KCNH5: variants seen among roughly 807,000 people sequenced by gnomAD.
KCNH5 encodes voltage-gated delayed rectifier potassium channel KCNH5.
KCNH5 carries 46 observed loss-of-function variants against 96.1 expected under a neutral mutation model. The ratio of observed to expected loss-of-function variants is 0.48; its 90% CI spans 0.38 to 0.61. The LOEUF (loss-of-function observed/expected upper bound fraction) is 0.61, where lower values mean the gene tolerates loss of function less well. Ranked by LOEUF, KCNH5 falls within the 20% of genes least tolerant of loss-of-function variation. KCNH5 has a pLI of 0.00. For missense variants in KCNH5, 907 were observed against 1,225.8 expected (o/e 0.74, Z 3.88); for synonymous variants, 439 against 449.8 (o/e 0.98, Z 0.30).
At chr14:62,761,077 A>G (rs1810976) in intron 10 of KCNH5, among the ~76,000 whole-genome samples, 86,940 of 152,062 alleles carry the variant, frequency 0.57, 25,321 homozygotes, top group South Asian at 0.82. Context: ...ACGGTCGGCC[A>G]GGCAGGGTGG....
At chr14:62,748,683 T>C (rs1434674132) in intron 10 of KCNH5, among the ~76,000 whole-genome samples, 3 of 152,018 alleles carry the variant, frequency 2.0e-5, no homozygotes, top group Non-Finnish European at 2.9e-5. Context: ...GTGTCTTGCA[T>C]TTAGGGTAGA....
chr14:62,778,354 G>A (rs913567868), intron 10 of KCNH5, among the ~76,000 whole-genome samples: 1 of 147,430 alleles, frequency 6.8e-6, no homozygotes, highest in African/African-American at 2.5e-5. Flanking sequence ...AAAAAAAATT[G>A]GCATGTAAGT....
intron 4 of KCNH5, among the ~76,000 whole-genome samples, chr14:62,989,063 T>G (rs1019403736): frequency 1.3e-5 from 2 of 151,874 alleles, no homozygotes; most frequent in Non-Finnish European, 2.9e-5. Context: ...CCTAGCCTTA[T>G]AGATTATAAC....
At chr14:62,953,990 C>T (rs565454620) in intron 6 of KCNH5, among the ~76,000 whole-genome samples, 7 of 152,180 alleles carry the variant, frequency 4.6e-5, no homozygotes, top group Non-Finnish European at 1.0e-4. Context: ...AAGTGTGACA[C>T]GCGAAGCCCA....
rs543540144 is a variant in KCNH5 at position 62,796,598 on chromosome 14, T to C, written c.1822+5731A>G. 8.5e-5 allele frequency among the ~76,000 whole-genome samples: 13 copies of C among 152,316 alleles called. No individual in the cohort carries two copies. In the South Asian group the frequency reaches 2.7e-3, roughly 32 times the overall value. Reference sequence around the variant, plus strand: ...TAGATTTATGAGCAGGTAAGTCTAATGACTAAGATGGTAGTCATGGCCCAT... The same window carrying C: ...TAGATTTATGAGCAGGTAAGTCTAACGACTAAGATGGTAGTCATGGCCCAT... On this transcript the variant is annotated intron_variant, in intron 9 of 10. Coordinates refer to ENST00000322893, the MANE Select transcript of KCNH5 (RefSeq NM_139318.5).
intron 4 of KCNH5, among the ~76,000 whole-genome samples, chr14:62,989,565 C>G (rs116742711): frequency 2.0e-5 from 3 of 152,000 alleles, no homozygotes; most frequent in African/African-American, 7.3e-5. Flanking sequence ...AAAGCATTAC[C>G]TGGATGCTTC....
At chr14:62,975,698 C>G (rs528818529) in intron 6 of KCNH5, among the ~76,000 whole-genome samples, 1 of 151,794 alleles carries the variant, frequency 6.6e-6, no homozygotes, top group Admixed American at 6.6e-5. Context: ...TAGGAGGAAT[C>G]CAAGAGATTA....
At chr14:62,726,839 T>C (rs1595595779) in intron 10 of KCNH5, among the ~76,000 whole-genome samples, 1 of 152,106 alleles carries the variant, frequency 6.6e-6, no homozygotes, top group Non-Finnish European at 1.5e-5. Context: ...TAGCCCTGAA[T>C]TGGAAATAAA....
At chr14:62,861,856 C>A (rs1005957929) in intron 7 of KCNH5, among the ~76,000 whole-genome samples, 1 of 152,038 alleles carries the variant, frequency 6.6e-6, no homozygotes, top group Non-Finnish European at 1.5e-5. Flanking sequence ...TTTCCTATGA[C>A]CTTGAATTTA....
intron 1 of KCNH5, among the ~76,000 whole-genome samples, chr14:63,023,233 T>C (rs548333620): frequency 6.6e-6 from 1 of 151,982 alleles, no homozygotes; most frequent in Non-Finnish European, 1.5e-5. Flanking sequence ...TTAATGTTTA[T>C]CTGCCTATTG....
chr14:62,825,388 T>C (rs1887200916), intron 8 of KCNH5, among the ~76,000 whole-genome samples: 1 of 152,152 alleles, frequency 6.6e-6, no homozygotes, highest in Non-Finnish European at 1.5e-5. Context: ...TGATAAGGGA[T>C]GTGGAGTATT....
At chr14:62,934,116 A>T (rs1751026168) in intron 7 of KCNH5, among the ~76,000 whole-genome samples, 1 of 146,562 alleles carries the variant, frequency 6.8e-6, no homozygotes, top group African/African-American at 2.6e-5. Flanking sequence ...TCAAATGCAG[A>T]TTTCTTTCTT....
chr14:62,812,754 T>C (rs1424500241), intron 8 of KCNH5, among the ~76,000 whole-genome samples: 1 of 152,020 alleles, frequency 6.6e-6, no homozygotes, highest in African/African-American at 2.4e-5. Flanking sequence ...ATATGGAAAA[T>C]AAAAATCATA....
chr14:62,708,531 T>A (rs1308903341), intron 10 of KCNH5, 76 bp from the exon 11 acceptor site: 11 of 867,356 alleles, frequency 1.3e-5, no homozygotes, highest in Non-Finnish European at 1.7e-5. Flanking sequence ...CTATGCTGTA[T>A]GTGCTTTGTG....
chr14:62,828,058 A>G (rs1887264031), intron 8 of KCNH5, among the ~76,000 whole-genome samples: 1 of 152,120 alleles, frequency 6.6e-6, no homozygotes, highest in Non-Finnish European at 1.5e-5. Flanking sequence ...AAATGAAGTC[A>G]GTCTTCATTT....
At chr14:63,040,216 C>T (rs1891796776) in intron 1 of KCNH5, among the ~76,000 whole-genome samples, 1 of 152,020 alleles carries the variant, frequency 6.6e-6, no homozygotes, top group African/African-American at 2.4e-5. Flanking sequence ...TTATATGATC[C>T]TTTTAGTAAG....
At chr14:62,719,804 G>C (rs1340912483) in intron 10 of KCNH5, among the ~76,000 whole-genome samples, 1 of 152,148 alleles carries the variant, frequency 6.6e-6, no homozygotes, top group East Asian at 1.9e-4. Context: ...CATCCACAAG[G>C]ACTCAAATAC....
At chr14:62,945,299 C>T (rs557778810) in intron 7 of KCNH5, among the ~76,000 whole-genome samples, 1 of 152,158 alleles carries the variant, frequency 6.6e-6, no homozygotes, top group South Asian at 2.1e-4. Flanking sequence ...AATGACTACA[C>T]CCCCAAAGGA....
At chr14:62,897,173 A>G (rs1286660862) in intron 7 of KCNH5, among the ~76,000 whole-genome samples, 1 of 152,192 alleles carries the variant, frequency 6.6e-6, no homozygotes, top group African/African-American at 2.4e-5. Flanking sequence ...TGCTTTACTG[A>G]CATCACAAGC....
Sources: gnomAD v4.1 joint callset for allele counts (sites outside exome capture counted in the v4.1 genomes callset) on GRCh38, gnomAD v4.1.1 for gene constraint, MANE v1.5 for transcripts, NCBI Gene and HGNC (gene_info 2026-07-23, HGNC 2026-07-21) for gene names.